ZNF575: variants seen among roughly 807,000 people sequenced by gnomAD.
ZNF575 encodes the protein zinc finger protein 575.
In ZNF575, 17 loss-of-function variants were observed where a neutral mutation model predicts 17.5. The ratio of observed to expected loss-of-function variants is 0.97; its 90% CI spans 0.66 to 1.45. The LOEUF (loss-of-function observed/expected upper bound fraction) is 1.45. Among genes scored for constraint, ZNF575 ranks in the 40% most tolerant of loss-of-function variants. The pLI, the probability that ZNF575 is intolerant of heterozygous loss-of-function variation, is 0.00. For synonymous variants in ZNF575, 146 were observed against 158.3 expected (o/e 0.92, Z 0.58); for missense variants, 352 against 359.2 (o/e 0.98, Z 0.16).
chr19:43,533,260 C>G lies in ZNF575; in HGVS notation c.-456C>G, dbSNP rs897571381. On this transcript the variant is annotated 5_prime_UTR_variant, in exon 1 of 4. Coordinates refer to ENST00000314228, the MANE Select transcript of ZNF575 (RefSeq NM_174945.3). ...CCCCTCCTTCCATTCCTTCTTCCCCCTCTCTGCAGCCTCTGCCAGCCCGCA... is the reference window on the plus strand; with the variant it reads ...CCCCTCCTTCCATTCCTTCTTCCCCGTCTCTGCAGCCTCTGCCAGCCCGCA... 2 of 152,540 alleles carry G rather than the reference C, an allele frequency of 1.3e-5. No homozygotes were observed. Among genetic ancestry groups the G allele is most frequent in the Non-Finnish European group, 1.5e-5 (1 of 68,170 alleles). The allele number at this position is 152,540 out of a possible 1,614,324, so 9.4% of individuals were successfully genotyped here.
chr19:43,534,362 C>G lies in ZNF575; in HGVS notation c.-61C>G, dbSNP rs1229693989. ...GCCCTCCAACCCTATCCCCATCAGC[C>G]TGGTCATCACCGGCGTCACCCCCGC... On this transcript the variant is annotated 5_prime_UTR_variant, in exon 3 of 4. Coordinates refer to ENST00000314228, the MANE Select transcript of ZNF575 (RefSeq NM_174945.3). The G allele has an allele frequency of 2.0e-6, 3 of 1,487,494 alleles. No individual in the cohort carries two copies. The East Asian group carries it at 7.6e-5, about 38-fold the overall frequency. 92.1% of individuals were successfully genotyped at this position (1,487,494 alleles called of 1,614,324 possible). A position where few individuals can be genotyped will look rare whatever the true frequency, so the allele number is the denominator to read the frequency against.
chr19:43,534,156 C>T, intron 2 of ZNF575, 181 bp from the exon 3 acceptor site: 1 of 510,798 alleles, frequency 2.0e-6, no homozygotes, highest in Non-Finnish European at 3.5e-6. Flanking sequence ...GTGGAGACTC[C>T]GCCCACTCTG....
chr19:43,532,773 G>A (rs1600028173), upstream of ZNF575, among the ~76,000 whole-genome samples: 1 of 152,224 alleles, frequency 6.6e-6, no homozygotes, highest in Non-Finnish European at 1.5e-5. Flanking sequence ...CTGGCACCAA[G>A]AGCATGGGCC....
chr19:43,531,545 G>A (rs1211184719), upstream of ZNF575, among the ~76,000 whole-genome samples: 1 of 152,148 alleles, frequency 6.6e-6, no homozygotes, highest in Non-Finnish European at 1.5e-5. Context: ...TTGCGCCACT[G>A]CACTCCAGCC....
chr19:43,535,716 G>A lies in ZNF575; in HGVS notation c.*29G>A. 6.4e-7 allele frequency: 1 copy of A among 1,560,116 alleles called. No individual in the cohort carries two copies. Among genetic ancestry groups the A allele is most frequent in the Non-Finnish European group, 8.7e-7 (1 of 1,152,210 alleles). Reference sequence around the variant, plus strand: ...CTCCCTTGGCTCACTGTCCCCTTCTGCCGCCAGCCCTAGCCAGTAAGAGGT... The same window carrying A: ...CTCCCTTGGCTCACTGTCCCCTTCTACCGCCAGCCCTAGCCAGTAAGAGGT... On this transcript the variant is annotated 3_prime_UTR_variant, in exon 4 of 4. Transcript: ENST00000314228.
Position 43,535,373 on chromosome 19 carries a change from G to A in ZNF575, c.424G>A (p.Ala142Thr), listed in dbSNP as rs1213720444. The A allele has an allele frequency of 2.5e-6, 4 of 1,575,810 alleles. No homozygotes were observed. In the African/African-American group the frequency reaches 5.5e-5, roughly 22 times the overall value. The change falls in exon 4 of 4, where the codon GCA (alanine) becomes ACA (threonine). Residue 142 changes from alanine to threonine, a missense_variant. Ala to Thr is a moderately conservative substitution (Grantham distance 58, BLOSUM62 0). Transcript: ENST00000314228. ...GCTGGCGGCTCACCTCTGGACCCAC[G>A]CACCCACCCGCCCCTACCCGTGCCC... is the stretch of plus-strand genomic sequence containing the variant. Reference protein sequence around the residue: ...SKLAAHLWTHAPTRPYPCPDC... With the variant: ...SKLAAHLWTHTPTRPYPCPDC...
chr19:43,530,987 T>C (rs1395234137), upstream of ZNF575, among the ~76,000 whole-genome samples: 4 of 152,030 alleles, frequency 2.6e-5, no homozygotes, highest in Non-Finnish European at 5.9e-5. Context: ...AAAATAGCTG[T>C]GGCCCTAGAG....
At chr19:43,531,969 T>TTTTTTTTTTTTTA (rs1972350725), upstream of ZNF575, 1 of 455,368 alleles carries the variant, frequency 2.2e-6, no homozygotes, top group Non-Finnish European at 3.8e-6. Flanking sequence ...TTTTTTTTTT[T>TTTTTTTTTTTTTA]AAGATGGGGA....
At position 43,534,514 on chromosome 19, in the gene ZNF575, C is replaced by A; in HGVS notation, c.79+13C>A. The A allele has an allele frequency of 7.0e-7, 1 of 1,434,818 alleles. No individual in the cohort carries two copies. 88.9% of individuals were successfully genotyped at this position (1,434,818 alleles called of 1,614,324 possible). A position where few individuals can be genotyped will look rare whatever the true frequency, so the allele number is the denominator to read the frequency against. On this transcript the variant is annotated intron_variant, in intron 3 of 3. Transcript: ENST00000314228. ...GTGACCAAAGAAGGTGAGAGTGCCC[C>A]GCCTGTGAGTAGGGAGCATTCTCCA...
chr19:43,535,311 G>A lies in ZNF575; in HGVS notation c.362G>A (p.Cys121Tyr), dbSNP rs1424951791. The A allele has an allele frequency of 5.0e-6, 8 of 1,610,262 alleles. No homozygotes were observed. The African/African-American group carries it at 1.1e-4, about 22-fold the overall frequency. Reference protein sequence around the residue: ...LTHSGARPHPCPHCPKSFGHR... With the variant: ...LTHSGARPHPYPHCPKSFGHR... ...CACAGCGGCGCCCGCCCGCACCCGT[G>A]CCCACACTGCCCGAAGTCCTTTGGC... The change falls in exon 4 of 4, where the codon TGC becomes TAC. Residue 121 changes from cysteine (C) to tyrosine (Y), a missense_variant. Transcript: ENST00000314228.
chr19:43,534,474 A>G lies in ZNF575; in HGVS notation c.52A>G (p.Thr18Ala), dbSNP rs753011990. 6.7e-5 allele frequency: 100 copies of G among 1,496,574 alleles called. No homozygotes were observed. Among genetic ancestry groups the G allele is most frequent in the South Asian group, 2.8e-4 (21 of 74,418 alleles). 92.7% of individuals were successfully genotyped at this position (1,496,574 alleles called of 1,614,324 possible). The change falls in exon 3 of 4, where the codon ACT (threonine) becomes GCT (alanine). Residue 18 changes from threonine to alanine, a missense_variant. Transcript: ENST00000314228. ...GGCCGGGGCTACCGATCCTAGTCCC[A>G]CTGGCAAGGAACCAGTGACCAAAGA... is the stretch of plus-strand genomic sequence containing the variant. ...SAAGATDPSP[T>A]GKEPVTKEAP... is the part of the protein sequence containing the mutation.
intron 3 of ZNF575, 68 bp from the exon 4 acceptor site, chr19:43,534,961 G>A: frequency 2.2e-6 from 3 of 1,340,558 alleles, no homozygotes; most frequent in Non-Finnish European, 1.9e-6. Context: ...TCAAAGTCGT[G>A]GCGGAGCCTG....
chr19:43,534,261 C>T lies in ZNF575; in HGVS notation c.-86-76C>T, dbSNP rs889586514. On this transcript the variant is annotated intron_variant, in intron 2 of 3. Coordinates refer to ENST00000314228, the MANE Select transcript of ZNF575 (RefSeq NM_174945.3). ...TCACTGTGCTCTTAGGCTCCGCCTC[C>T]CCGCTAAGCCTGCCCCCGCCTTAGC... 3.7e-4 allele frequency: 238 copies of T among 651,518 alleles called. 1 individual carries two copies. The highest frequency in any genetic ancestry group is 9.5e-5 in the Non-Finnish European group (37 of 389,164). The allele number at this position is 651,518 out of a possible 1,614,324, so 40.4% of individuals were successfully genotyped here. A position where few individuals can be genotyped will look rare whatever the true frequency, so the allele number is the denominator to read the frequency against.
chr19:43,534,472 C>A lies in ZNF575; in HGVS notation c.50C>A (p.Pro17His). The A allele has an allele frequency of 6.7e-7, 1 of 1,499,584 alleles. No individual in the cohort carries two copies. The highest frequency in any genetic ancestry group is 2.6e-5 in the East Asian group (1 of 39,150). 92.9% of individuals were successfully genotyped at this position (1,499,584 alleles called of 1,614,324 possible). A position where few individuals can be genotyped will look rare whatever the true frequency, so the allele number is the denominator to read the frequency against. ...GCGGCCGGGGCTACCGATCCTAGTC[C>A]CACTGGCAAGGAACCAGTGACCAAA... ...ESAAGATDPS[P>H]TGKEPVTKEA... is the part of the protein sequence containing the mutation. Residue 17 changes from proline to histidine, a missense_variant, in exon 3 of 4, where the codon CCC (proline) becomes CAC (histidine). Physicochemically the swap from Pro to His is moderately conservative, Grantham distance 77 (BLOSUM62 -2). Coordinates refer to ENST00000314228, the MANE Select transcript of ZNF575 (RefSeq NM_174945.3).
chr19:43,530,949 C>T (rs1046550668), upstream of ZNF575, among the ~76,000 whole-genome samples: 1 of 152,114 alleles, frequency 6.6e-6, no homozygotes, highest in Admixed American at 6.6e-5. Context: ...CTGGCTTCTA[C>T]TCTGCCTTCT....
rs527778849 is a variant in ZNF575, at chr19:43,534,439, C to T, written c.17C>T (p.Ala6Val). 3.9e-6 allele frequency: 6 copies of T among 1,553,950 alleles called. No individual in the cohort carries two copies. In the African/African-American group the frequency reaches 6.9e-5, roughly 18 times the overall value. Residue 6 changes from alanine to valine, a missense_variant, in exon 3 of 4, where the codon GCG becomes GTG. Transcript: ENST00000314228. ...GCCAGCAAGATGCTGGAGCGAGGCGCGGAGTCCGCGGCCGGGGCTACCGAT... is the reference window on the plus strand; with the variant it reads ...GCCAGCAAGATGCTGGAGCGAGGCGTGGAGTCCGCGGCCGGGGCTACCGAT... MLERG[A>V]ESAAGATDPS...
chr19:43,532,110 C>T (rs762967092), upstream of ZNF575, among the ~76,000 whole-genome samples: 293 of 152,076 alleles, frequency 1.9e-3, 2 homozygotes, highest in Non-Finnish European at 1.6e-3. Flanking sequence ...CTCACTGCAA[C>T]CTCTGCCTCC....
chr19:43,534,289 C>T (rs907097399), intron 2 of ZNF575, 48 bp from the exon 3 acceptor site: 2 of 822,034 alleles, frequency 2.4e-6, no homozygotes, highest in African/African-American at 1.8e-5. Context: ...GCCTTAGCAT[C>T]CCATACTTGC....
At chr19:43,533,034 T>C (rs1972361664), upstream of ZNF575, 1 of 149,866 alleles carries the variant, frequency 6.7e-6, no homozygotes, top group Non-Finnish European at 1.5e-5. Context: ...GAGATGGAAC[T>C]CAGCGGAATT....
Sources: allele counts gnomAD v4.1 joint callset (sites outside exome capture counted in the v4.1 genomes callset), GRCh38; gene constraint gnomAD v4.1.1; transcripts MANE v1.5; gene names NCBI Gene and HGNC (gene_info 2026-07-23, HGNC 2026-07-21).